DLG2: variants seen among roughly 807,000 people sequenced by gnomAD.
The protein encoded by DLG2 is discs large MAGUK scaffold protein 2.
Under a neutral mutation model 132.5 loss-of-function variants are expected in DLG2, and 45 were observed. The observed-to-expected ratio is 0.34, with a 90% CI of 0.27 to 0.44. The LOEUF (loss-of-function observed/expected upper bound fraction) is 0.44. DLG2 is among the 20% of genes least tolerant of loss of function. The pLI is 1.00. For synonymous variants in DLG2, 424 were observed against 419.6 expected (o/e 1.01, Z -0.13); for missense variants, 1,045 against 1,196.9 (o/e 0.87, Z 1.87).
chr11:84,343,748 G>A (rs1398142317), intron 7 of DLG2, among the ~76,000 whole-genome samples: 1 of 152,102 alleles, frequency 6.6e-6, no homozygotes, highest in Non-Finnish European at 1.5e-5. Context: ...AAAATTTAAG[G>A]TGAAGGTATT....
intron 5 of DLG2, among the ~76,000 whole-genome samples, chr11:85,138,946 A>G (rs1379771343): frequency 6.6e-6 from 1 of 152,016 alleles, no homozygotes; most frequent in Non-Finnish European, 1.5e-5. Flanking sequence ...GTTTCACTCT[A>G]ATTCTTCCTC....
intron 6 of DLG2, among the ~76,000 whole-genome samples, chr11:84,928,869 G>C (rs138951854): frequency 0.017 from 2,606 of 149,048 alleles, 43 homozygotes; most frequent in Admixed American, 0.041. Flanking sequence ...TATAAAATTG[G>C]ATGTCATTTT....
At chr11:84,097,221 A>C (rs2097177258) in intron 10 of DLG2, among the ~76,000 whole-genome samples, 1 of 152,136 alleles carries the variant, frequency 6.6e-6, no homozygotes, top group Non-Finnish European at 1.5e-5. Context: ...TCCTATTCTC[A>C]ATTAGGCTTT....
intron 6 of DLG2, among the ~76,000 whole-genome samples, chr11:84,577,248 G>A (rs1177342645): frequency 1.3e-5 from 2 of 152,148 alleles, no homozygotes; most frequent in African/African-American, 4.8e-5. Context: ...AACTAATATG[G>A]TAAATTGGTA....
At chr11:85,272,308 T>C (rs1033459790) in intron 4 of DLG2, among the ~76,000 whole-genome samples, 1 of 152,204 alleles carries the variant, frequency 6.6e-6, no homozygotes, top group African/African-American at 2.4e-5. Context: ...CTTTCTTTTG[T>C]AAGTTGCCCA....
At chr11:85,137,369 T>G (rs912744485) in intron 5 of DLG2, among the ~76,000 whole-genome samples, 2 of 152,144 alleles carry the variant, frequency 1.3e-5, no homozygotes, top group Non-Finnish European at 2.9e-5. Flanking sequence ...TTAAGGAAAC[T>G]GAAGTTGCTT....
intron 11 of DLG2, among the ~76,000 whole-genome samples, chr11:84,030,490 A>G (rs2095661838): frequency 6.6e-6 from 1 of 152,126 alleles, no homozygotes; most frequent in Non-Finnish European, 1.5e-5. Context: ...TCCAACACAT[A>G]CCTTTATGGA....
At chr11:83,686,670 T>C (rs945426307) in intron 18 of DLG2, among the ~76,000 whole-genome samples, 1 of 152,204 alleles carries the variant, frequency 6.6e-6, no homozygotes, top group African/African-American at 2.4e-5. Context: ...TTTCTTACTG[T>C]CCCTACATTA....
intron 3 of DLG2, among the ~76,000 whole-genome samples, chr11:85,536,290 C>T (rs74953416): frequency 0.036 from 5,377 of 151,022 alleles, 144 homozygotes; most frequent in Admixed American, 0.052. Context: ...GAAAACAATA[C>T]CCCCAAAGTA....
chr11:84,766,523 T>C (rs2068440149), intron 6 of DLG2, among the ~76,000 whole-genome samples: 1 of 152,030 alleles, frequency 6.6e-6, no homozygotes. Flanking sequence ...AGAATATCAG[T>C]TCAGCAACTG....
chr11:84,590,731 C>T (rs1267358793), intron 6 of DLG2, among the ~76,000 whole-genome samples: 1 of 152,130 alleles, frequency 6.6e-6, no homozygotes, highest in South Asian at 2.1e-4. Context: ...TCTCTCCCTA[C>T]CCAACAGATG....
chr11:84,608,227 A>T (rs1219420301), intron 6 of DLG2, among the ~76,000 whole-genome samples: 1 of 152,192 alleles, frequency 6.6e-6, no homozygotes, highest in Non-Finnish European at 1.5e-5. Flanking sequence ...GGCCCAACTC[A>T]TTCAAGGCAA....
intron 7 of DLG2, among the ~76,000 whole-genome samples, chr11:84,378,286 C>T (rs184087479): frequency 4.6e-5 from 7 of 152,234 alleles, no homozygotes; most frequent in Admixed American, 1.3e-4. Flanking sequence ...ACTGCATACA[C>T]ACATCAAGGA....
At chr11:84,110,512 G>A (rs2093281031) in intron 9 of DLG2, among the ~76,000 whole-genome samples, 1 of 152,150 alleles carries the variant, frequency 6.6e-6, no homozygotes, top group African/African-American at 2.4e-5. Flanking sequence ...ATTTTGTTAG[G>A]GGAAATGCTT....
chr11:84,273,593 A>G (rs2097757903), intron 7 of DLG2, among the ~76,000 whole-genome samples: 1 of 152,112 alleles, frequency 6.6e-6, no homozygotes, highest in Non-Finnish European at 1.5e-5. Context: ...GGAAGAAGAG[A>G]GATGTGAAAA....
At chr11:84,436,570 G>T (rs916274307) in intron 7 of DLG2, among the ~76,000 whole-genome samples, 2 of 152,138 alleles carry the variant, frequency 1.3e-5, no homozygotes, top group Admixed American at 6.5e-5. Flanking sequence ...AATGCCTACC[G>T]CATTGGATAT....
intron 8 of DLG2, among the ~76,000 whole-genome samples, chr11:84,175,049 A>T (rs2095919948): frequency 6.6e-6 from 1 of 152,212 alleles, no homozygotes; most frequent in African/African-American, 2.4e-5. Flanking sequence ...CCTCATCCTT[A>T]CTTACTGATG....
chr11:83,993,513 C>A (rs1222850942), intron 11 of DLG2, among the ~76,000 whole-genome samples: 2 of 152,098 alleles, frequency 1.3e-5, no homozygotes, highest in Non-Finnish European at 1.5e-5. Context: ...TTTCTTTACT[C>A]AAAGAACTAT....
intron 6 of DLG2, among the ~76,000 whole-genome samples, chr11:84,594,744 G>A (rs907109818): frequency 1.3e-5 from 2 of 152,186 alleles, no homozygotes; most frequent in Non-Finnish European, 2.9e-5. Context: ...TGACAGCAGT[G>A]TGAGTGATAA....
Sources: gnomAD v4.1 joint callset for allele counts (sites outside exome capture counted in the v4.1 genomes callset) on GRCh38, gnomAD v4.1.1 for gene constraint, MANE v1.5 for transcripts, NCBI Gene and HGNC (gene_info 2026-07-23, HGNC 2026-07-21) for gene names.